The following COQ3 variants were observed in gnomAD, a reference collection of about 807,000 sequenced individuals.
COQ3 encodes the protein coenzyme Q3, methyltransferase.
In COQ3, 29 loss-of-function variants were observed where a neutral mutation model predicts 33.1. That is an observed-to-expected ratio of 0.88 (90% CI 0.65 to 1.19). COQ3 has a LOEUF of 1.19. COQ3 is among the 50% of genes most tolerant of loss of function. The probability of loss-of-function intolerance (pLI) is 0.00; values close to 1 mark genes in which losing one functional copy is unlikely to be tolerated. For synonymous variants in COQ3, 173 were observed against 157.8 expected, an observed-to-expected ratio of 1.10 and a Z score of -0.72; for missense variants, 437 against 430.7, an observed-to-expected ratio of 1.01 and a Z score of -0.13.
chr6:99,390,220 T>A (rs1774783611), intron 1 of COQ3, among the ~76,000 whole-genome samples: 1 of 152,256 alleles, frequency 6.6e-6, no homozygotes, highest in Non-Finnish European at 1.5e-5. Flanking sequence ...GTACGTGCAT[T>A]TGTAAATCTG....
At chr6:99,374,285 GA>G (rs1486936705) in intron 5 of COQ3, among the ~76,000 whole-genome samples, 2 of 152,152 alleles carry the variant, frequency 1.3e-5, no homozygotes, top group Non-Finnish European at 2.9e-5. Flanking sequence ...GCACAGAATT[GA>G]AATAGGCAAC....
At chr6:99,382,170 C>T (rs754845952) in intron 2 of COQ3, among the ~76,000 whole-genome samples, 3 of 152,062 alleles carry the variant, frequency 2.0e-5, no homozygotes, top group Non-Finnish European at 2.9e-5. Flanking sequence ...GCTCAGGAAG[C>T]ACTTGGCAAA....
rs1188416980 is a variant in COQ3 at position 99,379,298 on chromosome 6, A to ATCACGTTAAGTGAGAATTC, written c.386+872_386+890dup. ...AACAATTTGGATGCTTTTCTAATTC[A>ATCACGTTAAGTGAGAATTC]TCACGTTAAGTGAGAATTCTCACGT... On this transcript the variant is annotated intron_variant, in intron 3 of 6. Coordinates refer to ENST00000254759, the MANE Select transcript of COQ3 (RefSeq NM_017421.4). 3.0e-4 allele frequency among the ~76,000 whole-genome samples: 45 copies of ATCACGTTAAGTGAGAATTC among 152,350 alleles called. 1 individual carries two copies. Among genetic ancestry groups the ATCACGTTAAGTGAGAATTC allele is most frequent in the South Asian group, 8.3e-4 (4 of 4,832 alleles).
At chr6:99,391,209 C>G (rs1774819282) in intron 1 of COQ3, among the ~76,000 whole-genome samples, 1 of 151,746 alleles carries the variant, frequency 6.6e-6, no homozygotes, top group South Asian at 2.1e-4. Context: ...AGTAATCCTC[C>G]TACCTTAGCC....
chr6:99,377,942 C>A (rs1170299976), intron 3 of COQ3, among the ~76,000 whole-genome samples: 2 of 151,376 alleles, frequency 1.3e-5, no homozygotes, highest in Middle Eastern at 3.2e-3. Context: ...TTCTTTTAAT[C>A]TTCTAAATGA....
chr6:99,372,361 T>C (rs549187026), intron 5 of COQ3, among the ~76,000 whole-genome samples: 1 of 152,100 alleles, frequency 6.6e-6, no homozygotes, highest in Admixed American at 6.6e-5. Context: ...TATATATTTA[T>C]ATAAAGAGAA....
intron 1 of COQ3, among the ~76,000 whole-genome samples, chr6:99,387,275 C>T (rs570920740): frequency 5.9e-5 from 9 of 152,134 alleles, no homozygotes; most frequent in African/African-American, 2.2e-4. Flanking sequence ...ATGGTGAGAC[C>T]CTATCTCTAC....
chr6:99,386,166 A>G (rs1237801061), intron 1 of COQ3, among the ~76,000 whole-genome samples: 1 of 152,092 alleles, frequency 6.6e-6, no homozygotes, highest in Non-Finnish European at 1.5e-5. Flanking sequence ...GAGGGGGCTC[A>G]CATCTGTAAA....
At position 99,382,954 on chromosome 6, in the gene COQ3, C is replaced by CA. The variant is rs57046655; in HGVS notation, c.233+743dup. ...GGCAACAAGAGTGAAACTCTTGTCACAAAAAAAAAAAGAAAAAAAGAAAAA... is the reference window on the plus strand; with the variant it reads ...GGCAACAAGAGTGAAACTCTTGTCACAAAAAAAAAAAAGAAAAAAAGAAAAA... On this transcript the variant is annotated intron_variant, in intron 2 of 6. Transcript: ENST00000254759. 687 of 117,254 alleles carry CA rather than the reference C, an allele frequency of 5.9e-3. 5 individuals carry two copies. Among genetic ancestry groups the CA allele is most frequent in the African/African-American group, 0.017 (546 of 32,074 alleles). The allele number at this position is 117,254 out of a possible 1,614,324, so 7.3% of individuals were successfully genotyped here. A position where few individuals can be genotyped will look rare whatever the true frequency, so the allele number is the denominator to read the frequency against.
chr6:99,380,185 T>C lies in COQ3; in HGVS notation c.386+4A>G. 1 of 1,612,360 alleles carries C rather than the reference T, an allele frequency of 6.2e-7. No homozygotes were observed. The highest frequency in any genetic ancestry group is 8.5e-7 in the Non-Finnish European group (1 of 1,178,914). On this transcript the variant is annotated splice_donor_region_variant and intron_variant, in intron 3 of 6. Transcript: ENST00000254759. Reference sequence around the variant, plus strand: ...AAAAAGACTTAGAGTTTCTGGAGTGTTACCTAATAAATGGCACCCTCAGGT... The same window carrying C: ...AAAAAGACTTAGAGTTTCTGGAGTGCTACCTAATAAATGGCACCCTCAGGT...
chr6:99,386,827 G>A (rs1774666054), intron 1 of COQ3, among the ~76,000 whole-genome samples: 1 of 152,096 alleles, frequency 6.6e-6, no homozygotes, highest in South Asian at 2.1e-4. Flanking sequence ...AGTCTCGGAT[G>A]GCTTCGCTGG....
At chr6:99,375,848 A>G in intron 5 of COQ3, 92 bp downstream of exon 5, 1 of 1,351,502 alleles carries the variant, frequency 7.4e-7, no homozygotes, top group South Asian at 1.3e-5. Flanking sequence ...TGCCTGCTGG[A>G]CTGCTAATGC....
At chr6:99,388,228 A>C (rs1359423984) in intron 1 of COQ3, among the ~76,000 whole-genome samples, 1 of 152,172 alleles carries the variant, frequency 6.6e-6, no homozygotes, top group Non-Finnish European at 1.5e-5. Flanking sequence ...CAACACAAAA[A>C]AGTCAGTCTT....
At chr6:99,383,287 A>G (rs1052230743) in intron 2 of COQ3, among the ~76,000 whole-genome samples, 1 of 152,256 alleles carries the variant, frequency 6.6e-6, no homozygotes, top group African/African-American at 2.4e-5. Flanking sequence ...TGCAGCACCC[A>G]AATCACTTAT....
Position 99,369,834 on chromosome 6 carries a change from AAAT to A in COQ3, c.890-17_890-15del. 6.6e-7 allele frequency: 1 copy of A among 1,514,374 alleles called. No individual in the cohort carries two copies. Among genetic ancestry groups the A allele is most frequent in the South Asian group, 1.2e-5 (1 of 82,882 alleles). The allele number at this position is 1,514,374 out of a possible 1,614,324, so 93.8% of individuals were successfully genotyped here. ...CTGACAGACCATCTGAAAAAAAAAA[AAAT>A]CAGAAAGAGTAGATTTAATAAATAT... On this transcript the variant is annotated splice_polypyrimidine_tract_variant and intron_variant, in intron 6 of 6. Transcript: ENST00000254759.
intron 2 of COQ3, among the ~76,000 whole-genome samples, chr6:99,381,882 T>C (rs1244689017): frequency 1.3e-5 from 2 of 148,260 alleles, no homozygotes; most frequent in Non-Finnish European, 3.0e-5. Context: ...GCTGAGATCA[T>C]GCCACTGCAC....
chr6:99,388,931 ACACC>A (rs1308943785), intron 1 of COQ3, among the ~76,000 whole-genome samples: 1 of 48,910 alleles, frequency 2.0e-5, no homozygotes, highest in Non-Finnish European at 6.3e-5. Flanking sequence ...ACACACACAC[ACACC>A]CACATCCTCA....
chr6:99,369,886 T>G, intron 6 of COQ3, 66 bp from the exon 7 acceptor site: 1 of 1,044,246 alleles, frequency 9.6e-7, no homozygotes, highest in Non-Finnish European at 1.4e-6. Flanking sequence ...TCCAAGAGTT[T>G]CATGCAACTT....
At chr6:99,380,378 T>C in intron 2 of COQ3, 37 bp from the exon 3 acceptor site, 1 of 1,600,626 alleles carries the variant, frequency 6.2e-7, no homozygotes, top group South Asian at 1.1e-5. Context: ...CAAATACTGC[T>C]GTTTTGAAGA....
Sources: gnomAD v4.1 joint callset for allele counts (sites outside exome capture counted in the v4.1 genomes callset) on GRCh38, gnomAD v4.1.1 for gene constraint, MANE v1.5 for transcripts, NCBI Gene and HGNC (gene_info 2026-07-23, HGNC 2026-07-21) for gene names.